The following XIRP2 variants were observed in gnomAD, a reference collection of about 807,000 sequenced individuals.
XIRP2 encodes xin actin-binding repeat-containing protein 2.
In XIRP2, 236 loss-of-function variants were observed where a neutral mutation model predicts 277.0. The ratio of observed to expected loss-of-function variants is 0.85; its 90% CI spans 0.77 to 0.95. The LOEUF (loss-of-function observed/expected upper bound fraction) is 0.95. Among genes scored for constraint, XIRP2 ranks in the 40% least tolerant of loss-of-function variants. XIRP2 has a pLI of 0.00. For missense variants in XIRP2, 4,640 were observed against 4,157.5 expected (o/e 1.12, Z -3.19); for synonymous variants, 1,490 against 1,416.5 (o/e 1.05, Z -1.17).
chr2:167,076,154 C>A lies in XIRP2; in HGVS notation c.409-59755C>A, dbSNP rs575619667. On this transcript the variant is annotated intron_variant, in intron 2 of 10. Transcript: ENST00000409195. Reference sequence around the variant, plus strand: ...TGATTATGAAAAAAAAAGTGTTTCACTTCTCTAGCTTCTATTTTTTTCTAA... The same window carrying A: ...TGATTATGAAAAAAAAAGTGTTTCAATTCTCTAGCTTCTATTTTTTTCTAA... Among the ~76,000 whole-genome samples the A allele has an allele frequency of 1.4e-4, 22 of 152,210 alleles. No individual in the cohort carries two copies. The South Asian group carries it at 4.6e-3, about 32-fold the overall frequency.
chr2:166,962,034 T>C (rs983717848), intron 2 of XIRP2, among the ~76,000 whole-genome samples: 2 of 151,550 alleles, frequency 1.3e-5, no homozygotes, highest in African/African-American at 4.8e-5. Context: ...TGAGTGGCCA[T>C]AAAAGTTCAA....
At chr2:166,942,018 C>T (rs1238158243) in intron 2 of XIRP2, among the ~76,000 whole-genome samples, 1 of 152,168 alleles carries the variant, frequency 6.6e-6, no homozygotes, top group Non-Finnish European at 1.5e-5. Flanking sequence ...TCCAGTTATT[C>T]TGCCATTTTC....
intron 2 of XIRP2, among the ~76,000 whole-genome samples, chr2:167,085,403 A>C (rs1349636824): frequency 6.7e-6 from 1 of 149,846 alleles, no homozygotes; most frequent in South Asian, 2.1e-4. Flanking sequence ...GTGGTGCTGA[A>C]AAAAATGTAT....
At chr2:167,033,652 C>G (rs561344959) in intron 2 of XIRP2, among the ~76,000 whole-genome samples, 1 of 151,978 alleles carries the variant, frequency 6.6e-6, no homozygotes, top group Non-Finnish European at 1.5e-5. Flanking sequence ...AAACAAATAA[C>G]ATACAAAGGA....
Position 167,247,770 on chromosome 2 carries a change from A to G in XIRP2, c.6378A>G (p.Thr2126=). 3 of 1,613,542 alleles carry G rather than the reference A, an allele frequency of 1.9e-6. No homozygotes were observed. The highest frequency in any genetic ancestry group is 2.5e-6 in the Non-Finnish European group (3 of 1,179,708). The change falls in exon 9 of 11, where the codon ACA becomes ACG. Residue 2126 remains threonine, a synonymous_variant. Transcript: ENST00000409195. ...SAGKTVGKQQ[T]YELRNDHQKM... is the part of the protein sequence containing the mutation. The stretch of plus-strand genomic sequence containing the variant: ...GTAAAACCGTTGGAAAGCAACAGAC[A>G]TATGAACTGAGAAATGACCACCAGA...
intron 2 of XIRP2, among the ~76,000 whole-genome samples, chr2:167,025,670 G>C (rs1204962831): frequency 6.6e-6 from 1 of 152,006 alleles, no homozygotes; most frequent in African/African-American, 2.4e-5. Context: ...GTTCTCATTG[G>C]TTTCAAAGAA....
At chr2:167,059,084 A>T (rs1299537319) in intron 2 of XIRP2, among the ~76,000 whole-genome samples, 2 of 147,166 alleles carry the variant, frequency 1.4e-5, no homozygotes, top group Non-Finnish European at 3.0e-5. Context: ...TGGCTAGAGG[A>T]TTTAACTTTT....
rs1213635641 is a variant in XIRP2 at position 167,249,657 on chromosome 2, A to C, written c.8265A>C (p.Glu2755Asp). Reference sequence around the variant, plus strand: ...AATATCTGAAAACCAAGAAAACTGAAGCAAGCACTGAATGTAGTCATAAGC... The same window carrying C: ...AATATCTGAAAACCAAGAAAACTGACGCAAGCACTGAATGTAGTCATAAGC... ...KKQYLKTKKT[E>D]ASTECSHKQS... The change falls in exon 9 of 11, where the codon GAA becomes GAC. Residue 2755 changes from glutamate (E) to aspartate (D), a missense_variant. Coordinates refer to ENST00000409195, the MANE Select transcript of XIRP2 (RefSeq NM_152381.6). 3.7e-6 allele frequency: 6 copies of C among 1,613,466 alleles called. No homozygotes were observed. The Admixed American group carries it at 1.0e-4, about 27-fold the overall frequency.
intron 3 of XIRP2, among the ~76,000 whole-genome samples, chr2:167,183,747 G>GTT (rs1001541312): frequency 6.9e-6 from 1 of 145,470 alleles, no homozygotes; most frequent in African/African-American, 2.5e-5. Flanking sequence ...TCCTTGAAAA[G>GTT]TTTTTTTTTT....
At chr2:167,186,459 T>C (rs888337361) in intron 3 of XIRP2, among the ~76,000 whole-genome samples, 1 of 152,178 alleles carries the variant, frequency 6.6e-6, no homozygotes, top group African/African-American at 2.4e-5. Flanking sequence ...TTCCTTTCTT[T>C]ATTTGAGTTT....
At chr2:166,911,083 T>C in intron 2 of XIRP2, among the ~76,000 whole-genome samples, 1 of 152,218 alleles carries the variant, frequency 6.6e-6, no homozygotes. Flanking sequence ...GAAAAATGTA[T>C]ATTCTGTTGA....
intron 2 of XIRP2, among the ~76,000 whole-genome samples, chr2:167,048,459 C>T (rs1242633005): frequency 6.6e-6 from 1 of 151,830 alleles, no homozygotes. Flanking sequence ...ATATCAAGGT[C>T]ACTTTTCTTT....
chr2:167,013,074 C>T (rs1687726322), intron 2 of XIRP2, among the ~76,000 whole-genome samples: 1 of 151,166 alleles, frequency 6.6e-6, no homozygotes, highest in Admixed American at 6.6e-5. Flanking sequence ...AACTAACTGA[C>T]CAGTTAAATT....
At chr2:167,065,528 A>AC (rs1234044204) in intron 2 of XIRP2, among the ~76,000 whole-genome samples, 1 of 150,804 alleles carries the variant, frequency 6.6e-6, no homozygotes, top group African/African-American at 2.4e-5. Context: ...GTGTAGTCAA[A>AC]CTTACCTATT....
intron 1 of XIRP2, among the ~76,000 whole-genome samples, chr2:166,898,857 T>C (rs1029320818): frequency 2.0e-5 from 3 of 152,170 alleles, no homozygotes; most frequent in Non-Finnish European, 4.4e-5. Flanking sequence ...AAGAATGTTA[T>C]TGAAACGGTA....
intron 3 of XIRP2, among the ~76,000 whole-genome samples, chr2:167,189,423 A>G (rs1269017114): frequency 6.6e-6 from 1 of 152,192 alleles, no homozygotes; most frequent in East Asian, 1.9e-4. Context: ...TTTTTGATTG[A>G]ACGATCTGTG....
At chr2:167,043,053 G>T (rs1247310050) in intron 2 of XIRP2, among the ~76,000 whole-genome samples, 1 of 151,984 alleles carries the variant, frequency 6.6e-6, no homozygotes, top group Non-Finnish European at 1.5e-5. Flanking sequence ...ACAATTACAT[G>T]GAAGTTAAAC....
At chr2:167,099,776 T>C (rs1010376330) in intron 2 of XIRP2, among the ~76,000 whole-genome samples, 7 of 149,114 alleles carry the variant, frequency 4.7e-5, no homozygotes, top group African/African-American at 7.8e-5. Context: ...CCCTGACCCC[T>C]TGTGCTTCCC....
Position 167,028,883 on chromosome 2 carries a change from G to A in XIRP2, c.409-107026G>A, listed in dbSNP as rs566988768. Among the ~76,000 whole-genome samples the A allele has an allele frequency of 1.7e-4, 25 of 151,050 alleles. No homozygotes were observed. The South Asian group carries it at 4.6e-3, about 28-fold the overall frequency. ...TTTAAAAGTGAAATAATTTTTGCAA[G>A]TCAAGCGGACATTCTGAAGCTGAAA... is the stretch of plus-strand genomic sequence containing the variant. On this transcript the variant is annotated intron_variant, in intron 2 of 10. Transcript: ENST00000409195.
Sources: allele counts gnomAD v4.1 joint callset (sites outside exome capture counted in the v4.1 genomes callset), GRCh38; gene constraint gnomAD v4.1.1; transcripts MANE v1.5; gene names NCBI Gene and HGNC (gene_info 2026-07-23, HGNC 2026-07-21).